ENPP1: variants seen among roughly 807,000 people sequenced by gnomAD.
ENPP1 encodes ectonucleotide pyrophosphatase/phosphodiesterase 1, also known as ectonucleotide pyrophosphatase/phosphodiesterase family member 1.
A neutral mutation model predicts 122.8 loss-of-function variants in ENPP1; 73 were observed. That is an observed-to-expected ratio of 0.59 (90% CI 0.49 to 0.72). ENPP1 has a LOEUF of 0.72. ENPP1 is among the 30% of genes least tolerant of loss of function. ENPP1 has a pLI of 0.00. For synonymous variants in ENPP1, 367 were observed against 391.6 expected (o/e 0.94, Z 0.74); for missense variants, 978 against 1,128.1 (o/e 0.87, Z 1.91).
intron 15 of ENPP1, 142 bp downstream of exon 15, chr6:131,873,192 C>T (rs892634304): frequency 1.8e-5 from 18 of 995,242 alleles, no homozygotes; most frequent in East Asian, 7.2e-5. Flanking sequence ...TTTCTAATGT[C>T]GGCCTATGGA....
rs148192397 is a variant in ENPP1 at position 131,818,647 on chromosome 6, C to CA, written c.240+10386dup. Among the ~76,000 whole-genome samples the CA allele has an allele frequency of 9.7e-3, 1,399 of 143,600 alleles. 25 individuals carry two copies. Among genetic ancestry groups the CA allele is most frequent in the African/African-American group, 0.033 (1,271 of 39,054 alleles). 94.2% of individuals were successfully genotyped at this position (143,600 alleles called of 152,430 possible). Reference sequence around the variant, plus strand: ...TGGGTGACACAGCGAGACTCTGTCTCAAAAAAAAAAAAAATGTCCTTGATG... The same window carrying CA: ...TGGGTGACACAGCGAGACTCTGTCTCAAAAAAAAAAAAAAATGTCCTTGATG... On this transcript the variant is annotated intron_variant, in intron 1 of 24. Coordinates refer to ENST00000647893, the MANE Select transcript of ENPP1 (RefSeq NM_006208.3).
At chr6:131,886,419 G>C in intron 23 of ENPP1, 143 bp from the exon 24 acceptor site, 1 of 647,364 alleles carries the variant, frequency 1.5e-6, no homozygotes, top group Non-Finnish European at 2.7e-6. Context: ...AGTATGTTGA[G>C]GTATTGTGAT....
intron 1 of ENPP1, among the ~76,000 whole-genome samples, chr6:131,814,590 C>A (rs1781393657): frequency 6.6e-6 from 1 of 152,168 alleles, no homozygotes; most frequent in Admixed American, 6.5e-5. Flanking sequence ...AATTAGCTTC[C>A]TTTTCCTTCC....
rs554488228 is a variant in ENPP1, at chr6:131,819,731, C to T, written c.240+11456C>T. On this transcript the variant is annotated intron_variant, in intron 1 of 24. Transcript: ENST00000647893. ...TTGTCTACTGCTCCAGCATGGCCAG[C>T]CCCCCACTTCTTGATGGTTTCTTTC... 76 of 280,092 alleles carry T rather than the reference C, an allele frequency of 2.7e-4. 3 individuals carry two copies. In the South Asian group the frequency reaches 3.1e-3, roughly 11 times the overall value. 17.4% of individuals were successfully genotyped at this position (280,092 alleles called of 1,614,324 possible). A position where few individuals can be genotyped will look rare whatever the true frequency, so the allele number is the denominator to read the frequency against.
At chr6:131,836,871 T>C (rs1025143069) in intron 1 of ENPP1, among the ~76,000 whole-genome samples, 4 of 152,302 alleles carry the variant, frequency 2.6e-5, no homozygotes, top group Admixed American at 2.0e-4. Context: ...ATTGTTTTTA[T>C]CCATAGAAGC....
chr6:131,831,976 G>C (rs1230388248), intron 1 of ENPP1, among the ~76,000 whole-genome samples: 1 of 152,062 alleles, frequency 6.6e-6, no homozygotes, highest in African/African-American at 2.4e-5. Context: ...TTTCAGTATG[G>C]AGTCATTAAT....
chr6:131,811,355 C>CATATATCTATATCTATATCT (rs1327824117), intron 1 of ENPP1, among the ~76,000 whole-genome samples: 2 of 128,984 alleles, frequency 1.6e-5, no homozygotes, highest in Admixed American at 1.5e-4. Context: ...TTTAAAAAAA[C>CATATATCTATATCTATATCT]ATATATCTAT....
Position 131,827,383 on chromosome 6 carries a change from A to G in ENPP1, c.240+19108A>G, listed in dbSNP as rs1462348049. On this transcript the variant is annotated intron_variant, in intron 1 of 24. Transcript: ENST00000647893. Reference sequence around the variant, plus strand: ...TTGCTTTTTTCTCTTAACACCTCAAAGGAATATTGCTTCATGGATCTCCTC... The same window carrying G: ...TTGCTTTTTTCTCTTAACACCTCAAGGGAATATTGCTTCATGGATCTCCTC... The G allele has an allele frequency of 1.0e-4, 80 of 801,998 alleles. 1 individual carries two copies. In the East Asian group the frequency reaches 1.9e-3, roughly 19 times the overall value. The allele number at this position is 801,998 out of a possible 1,614,324, so 49.7% of individuals were successfully genotyped here.
rs2022337 is a variant in ENPP1, at chr6:131,833,794, A to G, written c.241-13982A>G. On this transcript the variant is annotated intron_variant, in intron 1 of 24. Transcript: ENST00000647893. ...GACCACAAAAACAGCATTTTGCGAC[A>G]GTGACAGTCCTACTGAAGACAGGAG... Among the ~76,000 whole-genome samples, 1,008 of 152,370 alleles carry G rather than the reference A, an allele frequency of 6.6e-3. 23 individuals are homozygous for G. Among genetic ancestry groups the G allele is most frequent in the Admixed American group, 0.044 (680 of 15,302 alleles).
intron 15 of ENPP1, among the ~76,000 whole-genome samples, chr6:131,873,468 G>A (rs1782188593): frequency 6.6e-6 from 1 of 152,108 alleles, no homozygotes; most frequent in African/African-American, 2.4e-5. Context: ...GCCATTGCAT[G>A]TCTCCTGCAC....
Position 131,812,908 on chromosome 6 carries a change from C to T in ENPP1, c.240+4633C>T, listed in dbSNP as rs899116393. On this transcript the variant is annotated intron_variant, in intron 1 of 24. Coordinates refer to ENST00000647893, the MANE Select transcript of ENPP1 (RefSeq NM_006208.3). ...AGGCTAGAGTGCAATAGCACAATCT[C>T]GGCCCACTGCAACCTCCCGCTCCTG... is the stretch of plus-strand genomic sequence containing the variant. Among the ~76,000 whole-genome samples, 15 of 152,246 alleles carry T rather than the reference C, an allele frequency of 9.9e-5. No homozygotes were observed. In the South Asian group the frequency reaches 1.2e-3, roughly 13 times the overall value.
intron 1 of ENPP1, among the ~76,000 whole-genome samples, chr6:131,844,348 C>A (rs980768116): frequency 2.6e-5 from 4 of 152,230 alleles, no homozygotes; most frequent in African/African-American, 9.6e-5. Flanking sequence ...ACAAACTTTG[C>A]TGCTAGCTCA....
In ENPP1 at chr6:131,860,378, C is replaced by T. The variant is rs547399208; in HGVS notation, c.796-9C>T. The T allele has an allele frequency of 1.3e-6, 2 of 1,590,636 alleles. No homozygotes were observed. The highest frequency in any genetic ancestry group is 1.7e-6 in the Non-Finnish European group (2 of 1,160,228). On this transcript the variant is annotated splice_polypyrimidine_tract_variant and intron_variant, in intron 7 of 24. Coordinates refer to ENST00000647893, the MANE Select transcript of ENPP1 (RefSeq NM_006208.3). Reference sequence around the variant, plus strand: ...ACAACTTGCATATAATCTGTTTTATCTTTTTTAGGGATTGTATCCAGAATC... The same window carrying T: ...ACAACTTGCATATAATCTGTTTTATTTTTTTTAGGGATTGTATCCAGAATC...
intron 1 of ENPP1, chr6:131,826,015 G>T: frequency 1.4e-6 from 1 of 719,554 alleles, no homozygotes; most frequent in Non-Finnish European, 2.6e-6. Flanking sequence ...TAAATATTCT[G>T]TTACAGGAAG....
intron 1 of ENPP1, chr6:131,820,026 C>A: frequency 3.6e-6 from 2 of 553,304 alleles, no homozygotes; most frequent in South Asian, 3.0e-5. Context: ...AATCTGTTAT[C>A]AAAGATAATC....
At chr6:131,869,537 C>A in intron 13 of ENPP1, 48 bp downstream of exon 13, 1 of 1,592,154 alleles carries the variant, frequency 6.3e-7, no homozygotes, top group Non-Finnish European at 8.6e-7. Context: ...ATTAAGAATA[C>A]CTTCCTTTAG....
intron 12 of ENPP1, among the ~76,000 whole-genome samples, chr6:131,868,934 T>C (rs1309298454): frequency 6.6e-6 from 1 of 152,190 alleles, no homozygotes; most frequent in Non-Finnish European, 1.5e-5. Flanking sequence ...TCAGAAATAA[T>C]TATAGAAATC....
chr6:131,851,107 G>A, intron 3 of ENPP1, 35 bp from the exon 4 acceptor site: 2 of 1,612,294 alleles, frequency 1.2e-6, no homozygotes, highest in South Asian at 2.2e-5. Flanking sequence ...TTGAATTTGA[G>A]ACATAAAACA....
At chr6:131,816,779 T>TA (rs1781419573) in intron 1 of ENPP1, among the ~76,000 whole-genome samples, 1 of 152,218 alleles carries the variant, frequency 6.6e-6, no homozygotes, top group African/African-American at 2.4e-5. Flanking sequence ...ATCATTTTTG[T>TA]AGCACTTGGC....
Sources: allele counts gnomAD v4.1 joint callset (sites outside exome capture counted in the v4.1 genomes callset), GRCh38; gene constraint gnomAD v4.1.1; transcripts MANE v1.5; gene names NCBI Gene and HGNC (gene_info 2026-07-23, HGNC 2026-07-21).